Variants in CDC42BPB observed in about 807,000 individuals in gnomAD.
CDC42BPB encodes serine/threonine-protein kinase MRCK beta.
A neutral mutation model predicts 214.9 loss-of-function variants in CDC42BPB; 37 were observed. The ratio of observed to expected loss-of-function variants is 0.17; its 90% CI spans 0.13 to 0.23. The LOEUF is 0.23. Ranked by LOEUF, CDC42BPB falls within the 10% of genes least tolerant of loss-of-function variation. The pLI is 1.00. For synonymous variants in CDC42BPB, 931 were observed against 884.0 expected (o/e 1.05, Z -0.94); for missense variants, 1,694 against 2,227.0 (o/e 0.76, Z 4.82).
At chr14:102,983,872 T>G in intron 6 of CDC42BPB, 116 bp from the exon 7 acceptor site, 1 of 1,462,964 alleles carries the variant, frequency 6.8e-7, no homozygotes, top group Non-Finnish European at 9.0e-7. Context: ...AGAATAAAAC[T>G]GATGAATGAT....
chr14:102,954,963 CT>C, intron 21 of CDC42BPB: 1 of 207,230 alleles, frequency 4.8e-6, no homozygotes, highest in African/African-American at 2.4e-5. Flanking sequence ...AGTCACCCCG[CT>C]GAGGTGAGAA....
intron 1 of CDC42BPB, among the ~76,000 whole-genome samples, chr14:103,028,244 G>A (rs1268082459): frequency 2.0e-5 from 3 of 152,222 alleles, no homozygotes; most frequent in East Asian, 1.9e-4. Flanking sequence ...TTGGGTGCAC[G>A]ATTCATTAAT....
intron 1 of CDC42BPB, among the ~76,000 whole-genome samples, chr14:103,014,013 A>T (rs1243196296): frequency 6.6e-6 from 1 of 152,002 alleles, no homozygotes; most frequent in Non-Finnish European, 1.5e-5. Context: ...AAAATACAAA[A>T]AATTTAGCTG....
At chr14:103,052,723 G>A (rs995866819) in intron 1 of CDC42BPB, among the ~76,000 whole-genome samples, 3 of 152,268 alleles carry the variant, frequency 2.0e-5, no homozygotes, top group Non-Finnish European at 2.9e-5. Flanking sequence ...CCCACGGTCC[G>A]CCTCTGTGAC....
chr14:103,053,543 C>CCT (rs1888741106), intron 1 of CDC42BPB, among the ~76,000 whole-genome samples: 2 of 151,844 alleles, frequency 1.3e-5, no homozygotes, highest in Non-Finnish European at 1.5e-5. Flanking sequence ...GGGCAGATCA[C>CCT]GAGGTCTGGA....
In CDC42BPB at chr14:102,940,091, TGAG is replaced by T. The variant is rs1175089632; in HGVS notation, c.4543_4545del (p.Leu1515del). Reference sequence around the variant, plus strand: ...TAGATCAAGCGTGGAGGCTCGCAGTTGAGGAGGTTGAGGGTGCCTTCAGAGTTC... The same window carrying T: ...TAGATCAAGCGTGGAGGCTCGCAGTTGAGGTTGAGGGTGCCTTCAGAGTTC... On this transcript the variant is annotated inframe_deletion, in exon 32 of 37. Transcript: ENST00000361246. 12 of 1,613,656 alleles carry T rather than the reference TGAG, an allele frequency of 7.4e-6. No individual in the cohort carries two copies. Among genetic ancestry groups the T allele is most frequent in the Non-Finnish European group, 8.5e-6 (10 of 1,179,976 alleles).
Position 103,029,094 on chromosome 14 carries a change from T to C in CDC42BPB, c.176-16906A>G, listed in dbSNP as rs34515166. 3.7e-4 allele frequency among the ~76,000 whole-genome samples: 57 copies of C among 152,328 alleles called. 1 individual carries two copies. The East Asian group carries it at 9.6e-3, about 26-fold the overall frequency. On this transcript the variant is annotated intron_variant, in intron 1 of 36. Transcript: ENST00000361246. The stretch of plus-strand genomic sequence containing the variant: ...AAGAAAAAAAGGATAAAAGTAAACA[T>C]TTTTATGGGAAATTTTCTCTTATCC...
intron 30 of CDC42BPB, among the ~76,000 whole-genome samples, chr14:102,942,664 C>T (rs1214308815): frequency 4.6e-5 from 7 of 152,242 alleles, no homozygotes; most frequent in Admixed American, 4.6e-4. Context: ...CCTGTCTCAG[C>T]CTCCCAAGTA....
rs1166713672 is a variant in CDC42BPB, at chr14:102,964,582, G to C, written c.2646C>G (p.Ala882=). Residue 882 remains alanine, a synonymous_variant, in exon 19 of 37, where the codon GCC becomes GCG. Coordinates refer to ENST00000361246, the MANE Select transcript of CDC42BPB (RefSeq NM_006035.4). ...DMSARLELQS[A]LEAEIRAKQL... The stretch of plus-strand genomic sequence containing the variant: ...GCTTGGCCCGGATCTCCGCCTCCAG[G>C]GCCGACTGCAGCTCCAGCCGCGCGG... 7.4e-6 allele frequency: 12 copies of C among 1,613,768 alleles called. No homozygotes were observed. The highest frequency in any genetic ancestry group is 1.0e-5 in the Non-Finnish European group (12 of 1,180,004).
At chr14:102,946,231 G>A (rs552164176) in intron 28 of CDC42BPB, among the ~76,000 whole-genome samples, 2 of 151,930 alleles carry the variant, frequency 1.3e-5, no homozygotes, top group Non-Finnish European at 1.5e-5. Context: ...CACCGTGTTA[G>A]CCAGGATGGT....
chr14:102,992,502 G>A lies in CDC42BPB; in HGVS notation c.597-5922C>T, dbSNP rs1248549848. ...TCTCGTTACGGAAGAGGCAGCTGAG[G>A]AGCAGTGACTGCTGCCGCCTCCCAG... On this transcript the variant is annotated intron_variant, in intron 5 of 36. Transcript: ENST00000361246. Among the ~76,000 whole-genome samples the A allele has an allele frequency of 2.0e-5, 3 of 152,168 alleles. No individual in the cohort carries two copies. The South Asian group carries it at 6.2e-4, about 32-fold the overall frequency.
chr14:103,041,737 C>T, intron 1 of CDC42BPB: 1 of 543,844 alleles, frequency 1.8e-6, no homozygotes, highest in South Asian at 2.1e-5. Flanking sequence ...GAAGGTGGCC[C>T]AGACCATTAG....
chr14:103,015,016 A>G (rs1459477953), intron 1 of CDC42BPB, among the ~76,000 whole-genome samples: 6 of 152,190 alleles, frequency 3.9e-5, no homozygotes, highest in Non-Finnish European at 8.8e-5. Flanking sequence ...TACTCTTTTG[A>G]TAAAACACAT....
intron 6 of CDC42BPB, 125 bp from the exon 7 acceptor site, chr14:102,983,881 A>G (rs754740065): frequency 6.4e-5 from 93 of 1,456,492 alleles, no homozygotes; most frequent in Non-Finnish European, 8.0e-5. Flanking sequence ...CTGATGAATG[A>G]TCGTGTTTTT....
chr14:102,976,920 G>A (rs1385816665), intron 9 of CDC42BPB, among the ~76,000 whole-genome samples: 2 of 152,184 alleles, frequency 1.3e-5, no homozygotes, highest in African/African-American at 4.8e-5. Context: ...ACTGGGGGCT[G>A]GTAAATCAAT....
rs368529613 is a variant in CDC42BPB at position 103,057,138 on chromosome 14, C to T, written c.36G>A (p.Gln12=). The T allele has an allele frequency of 4.0e-6, 6 of 1,504,562 alleles. No homozygotes were observed. In the African/African-American group the frequency reaches 8.7e-5, roughly 22 times the overall value. The allele number at this position is 1,504,562 out of a possible 1,614,324, so 93.2% of individuals were successfully genotyped here. The change falls in exon 1 of 37, where the codon CAG becomes CAA. Residue 12 remains glutamine, a synonymous_variant. Transcript: ENST00000361246. ...SAKVRLKKLE[Q]LLLDGPWRNE... ...TGCGCCAGGGCCCGTCCAGGAGCAGCTGCTCCAGCTTCTTGAGCCGCACCT... is the reference window on the plus strand; with the variant it reads ...TGCGCCAGGGCCCGTCCAGGAGCAGTTGCTCCAGCTTCTTGAGCCGCACCT...
At position 103,004,631 on chromosome 14, in the gene CDC42BPB, C is replaced by T. The variant is rs191917706; in HGVS notation, c.352-608G>A. On this transcript the variant is annotated intron_variant, in intron 3 of 36. Transcript: ENST00000361246. The surrounding 1 kb of genome is among the most constrained non-coding windows in gnomAD (Gnocchi z 5.3). ...CCGTTTAAAAGTCACCAGGCCTGGC[C>T]GAGCACGGTGGCTCACACCTGAGGT... Among the ~76,000 whole-genome samples, 4 of 152,240 alleles carry T rather than the reference C, an allele frequency of 2.6e-5. No individual in the cohort carries two copies. The highest frequency in any genetic ancestry group is 2.1e-4 in the South Asian group (1 of 4,820).
chr14:102,977,602 A>G (rs1893812621), intron 9 of CDC42BPB, among the ~76,000 whole-genome samples: 1 of 152,152 alleles, frequency 6.6e-6, no homozygotes, highest in South Asian at 2.1e-4. Flanking sequence ...CACAATCCTT[A>G]CAAAAGCCAG....
chr14:103,009,663 G>C (rs1390875638), intron 2 of CDC42BPB, among the ~76,000 whole-genome samples: 1 of 152,112 alleles, frequency 6.6e-6, no homozygotes. Flanking sequence ...ATTTCCCTTG[G>C]TCGTCTCTCT....
Sources: allele counts gnomAD v4.1 joint callset (sites outside exome capture counted in the v4.1 genomes callset), GRCh38; gene constraint gnomAD v4.1.1; non-coding constraint Gnocchi (gnomAD v3.1); transcripts MANE v1.5; gene names NCBI Gene and HGNC (gene_info 2026-07-23, HGNC 2026-07-21).